NKAIN3: variants seen among roughly 807,000 people sequenced by gnomAD.
NKAIN3 encodes the protein sodium/potassium transporting ATPase interacting 3.
In NKAIN3, 25 loss-of-function variants were observed where a neutral mutation model predicts 30.2. That is an observed-to-expected ratio of 0.83 (90% CI 0.60 to 1.16). The LOEUF (loss-of-function observed/expected upper bound fraction) is 1.16, where lower values mean the gene tolerates loss of function less well. Ranked by LOEUF, NKAIN3 falls within the 50% of genes most tolerant of loss-of-function variation. The pLI, the probability that NKAIN3 is intolerant of heterozygous loss-of-function variation, is 0.00. For synonymous variants in NKAIN3, 91 were observed against 89.6 expected (o/e 1.02, Z -0.09); for missense variants, 225 against 254.1 (o/e 0.89, Z 0.78).
At chr8:62,796,796 A>ACACACACACACACACG (rs1314071926) in intron 4 of NKAIN3, among the ~76,000 whole-genome samples, 12 of 151,770 alleles carry the variant, frequency 7.9e-5, no homozygotes, top group Non-Finnish European at 1.8e-4. Context: ...ACATACACAC[A>ACACACACACACACACG]CACACACACA....
chr8:62,953,406 G>T (rs1330447476), intron 5 of NKAIN3, among the ~76,000 whole-genome samples: 1 of 152,196 alleles, frequency 6.6e-6, no homozygotes, highest in Non-Finnish European at 1.5e-5. Flanking sequence ...CATTAGGGAG[G>T]AAACAAAATC....
chr8:62,252,554 C>CT (rs1812142367), intron 1 of NKAIN3, among the ~76,000 whole-genome samples: 1 of 152,158 alleles, frequency 6.6e-6, no homozygotes, highest in Non-Finnish European at 1.5e-5. Context: ...TAGTTTTTCT[C>CT]CAGGCTTCTG....
At chr8:62,792,244 C>T (rs1261797287) in intron 4 of NKAIN3, among the ~76,000 whole-genome samples, 5 of 152,036 alleles carry the variant, frequency 3.3e-5, no homozygotes, top group Non-Finnish European at 5.9e-5. Flanking sequence ...CCTTCCTGTA[C>T]CTCCCCCTTT....
chr8:62,386,019 C>T (rs1477482085), intron 1 of NKAIN3, among the ~76,000 whole-genome samples: 1 of 152,186 alleles, frequency 6.6e-6, no homozygotes, highest in Non-Finnish European at 1.5e-5. Flanking sequence ...TGGGCTCCTC[C>T]ACATGGTGGT....
At chr8:62,817,692 C>G (rs559970064) in intron 4 of NKAIN3, among the ~76,000 whole-genome samples, 19 of 152,296 alleles carry the variant, frequency 1.2e-4, no homozygotes, top group African/African-American at 4.6e-4. Context: ...GAAGCAAAAA[C>G]AGAGCCATTC....
intron 1 of NKAIN3, among the ~76,000 whole-genome samples, chr8:62,467,330 C>A (rs1806192508): frequency 6.6e-6 from 1 of 152,116 alleles, no homozygotes; most frequent in Admixed American, 6.6e-5. Flanking sequence ...TTGGAGAAAT[C>A]CTAAGAATTT....
chr8:62,288,281 G>A (rs56208025), intron 1 of NKAIN3, among the ~76,000 whole-genome samples: 5,338 of 152,182 alleles, frequency 0.035, 338 homozygotes, highest in African/African-American at 0.12. Flanking sequence ...TAGGGTACAG[G>A]TGTACAACAT....
At position 62,969,618 on chromosome 8, in the gene NKAIN3, C is replaced by T. The variant is rs183188189; in HGVS notation, c.*4211C>T. ...TCAGAATGCAAATGTTCTAACTTGA[C>T]ATTTTTGCCCAAGATACGTTCTTTC... On this transcript the variant is annotated 3_prime_UTR_variant, in exon 7 of 7. Transcript: ENST00000623646. Among the ~76,000 whole-genome samples, 64 of 152,266 alleles carry T rather than the reference C, an allele frequency of 4.2e-4. No homozygotes were observed. Among genetic ancestry groups the T allele is most frequent in the African/African-American group, 1.1e-3 (47 of 41,550 alleles).
At chr8:62,419,245 T>C (rs1257088627) in intron 1 of NKAIN3, among the ~76,000 whole-genome samples, 2 of 152,220 alleles carry the variant, frequency 1.3e-5, no homozygotes, top group Admixed American at 6.5e-5. Context: ...TTAGGCTGAC[T>C]GCATGTGGGT....
chr8:62,690,150 C>T (rs1813920209), intron 3 of NKAIN3, among the ~76,000 whole-genome samples: 1 of 152,034 alleles, frequency 6.6e-6, no homozygotes, highest in Non-Finnish European at 1.5e-5. Context: ...AGGGTGTTTC[C>T]CAGGGTCTCA....
At chr8:62,482,800 G>A (rs1390765003) in intron 1 of NKAIN3, 1 of 152,192 alleles carries the variant, frequency 6.6e-6, no homozygotes. Context: ...CCATTTCATC[G>A]ATATTACTGG....
intron 3 of NKAIN3, among the ~76,000 whole-genome samples, chr8:62,731,514 G>A (rs1432394387): frequency 6.6e-6 from 1 of 152,028 alleles, no homozygotes; most frequent in Non-Finnish European, 1.5e-5. Context: ...TTGGTACCCT[G>A]TTTTCATCCC....
At chr8:62,817,838 AGACCAGG>A (rs1818731953) in intron 4 of NKAIN3, among the ~76,000 whole-genome samples, 1 of 152,200 alleles carries the variant, frequency 6.6e-6, no homozygotes, top group South Asian at 2.1e-4. Context: ...GCTGGCTCAC[AGACCAGG>A]GTCCAGCAGG....
At chr8:62,808,350 A>G (rs1257974578) in intron 4 of NKAIN3, among the ~76,000 whole-genome samples, 2 of 152,186 alleles carry the variant, frequency 1.3e-5, no homozygotes, top group East Asian at 3.8e-4. Flanking sequence ...ATAGTAGTTC[A>G]ACTCAATAGT....
At chr8:62,743,098 A>C (rs1269486969) in intron 3 of NKAIN3, among the ~76,000 whole-genome samples, 1 of 152,206 alleles carries the variant, frequency 6.6e-6, no homozygotes, top group Non-Finnish European at 1.5e-5. Flanking sequence ...CTACAATTCA[A>C]GATGAGATTT....
chr8:62,359,989 C>T (rs1816495729), intron 1 of NKAIN3, among the ~76,000 whole-genome samples: 2 of 152,138 alleles, frequency 1.3e-5, no homozygotes, highest in African/African-American at 4.8e-5. Flanking sequence ...CAACCTCAGC[C>T]ACAATGTGTG....
chr8:62,853,367 T>A (rs1327892461), intron 4 of NKAIN3, among the ~76,000 whole-genome samples: 1 of 152,158 alleles, frequency 6.6e-6, no homozygotes, highest in African/African-American at 2.4e-5. Flanking sequence ...TGAGATGGGT[T>A]TCTTGAATAC....
chr8:62,671,006 G>A (rs1813284659), intron 3 of NKAIN3, among the ~76,000 whole-genome samples: 1 of 151,692 alleles, frequency 6.6e-6, no homozygotes, highest in Non-Finnish European at 1.5e-5. Context: ...AAAAATAGTG[G>A]CATGACAGAT....
chr8:62,551,104 C>T (rs1324473759), intron 1 of NKAIN3, among the ~76,000 whole-genome samples: 3 of 152,094 alleles, frequency 2.0e-5, no homozygotes, highest in Non-Finnish European at 4.4e-5. Flanking sequence ...ATACAAGTCA[C>T]AGAGTGAATA....
Sources: allele counts gnomAD v4.1 joint callset (sites outside exome capture counted in the v4.1 genomes callset), GRCh38; gene constraint gnomAD v4.1.1; transcripts MANE v1.5; gene names NCBI Gene and HGNC (gene_info 2026-07-23, HGNC 2026-07-21).